The following ERG variants were observed in gnomAD, a reference collection of about 807,000 sequenced individuals.
ERG encodes the protein ETS transcription factor ERG.
ERG carries 9 observed loss-of-function variants against 55.3 expected under a neutral mutation model. The observed-to-expected ratio is 0.16, with a 90% confidence interval of 0.10 to 0.28. ERG has a LOEUF of 0.28. Ranked by LOEUF, ERG falls within the 10% of genes least tolerant of loss-of-function variation. The pLI is 1.00. For missense variants in ERG, 434 were observed against 631.6 expected, an observed-to-expected ratio of 0.69 and a Z score of 3.35; for synonymous variants, 223 against 237.3, an observed-to-expected ratio of 0.94 and a Z score of 0.55.
In ERG at chr21:38,474,790, T is replaced by C. The variant is rs552711890; in HGVS notation, c.18+23573A>G. ...AGAAAACGTTGTGATAAGAAGCCTT[T>C]AGCCTACAAAAATGTCTCTAGATTA... On this transcript the variant is annotated intron_variant, in intron 1 of 9. Coordinates refer to ENST00000288319, the MANE Select transcript of ERG (RefSeq NM_182918.4). 1.3e-4 allele frequency among the ~76,000 whole-genome samples: 20 copies of C among 152,238 alleles called. 1 individual carries two copies. In the South Asian group the frequency reaches 4.2e-3, roughly 32 times the overall value.
At position 38,418,947 on chromosome 21, in the gene ERG, A is replaced by G. The variant is rs866774040; in HGVS notation, c.388+4463T>C. Among the ~76,000 whole-genome samples the G allele has an allele frequency of 4.3e-3, 572 of 132,030 alleles. 4 individuals are homozygous for G. The highest frequency in any genetic ancestry group is 0.015 in the African/African-American group (506 of 33,726). 86.6% of individuals were successfully genotyped at this position (132,030 alleles called of 152,430 possible). ...TGTCTCAAAAAAAAAAAAAAAAAAA[A>G]AAAGAAAGAAAGAAAAAGAAAAACA... is the stretch of plus-strand genomic sequence containing the variant. On this transcript the variant is annotated intron_variant, in intron 3 of 9. Coordinates refer to ENST00000288319, the MANE Select transcript of ERG (RefSeq NM_182918.4).
At chr21:38,648,699 C>A (rs1401363045) in intron 1 of ERG, among the ~76,000 whole-genome samples, 2 of 152,236 alleles carry the variant, frequency 1.3e-5, no homozygotes, top group Non-Finnish European at 2.9e-5. Flanking sequence ...CTGCCTCCAG[C>A]AAATCCACTC....
intron 1 of ERG, among the ~76,000 whole-genome samples, chr21:38,484,447 T>A (rs1300558657): frequency 6.6e-6 from 1 of 152,208 alleles, no homozygotes; most frequent in Non-Finnish European, 1.5e-5. Context: ...ATTCATTTAT[T>A]TAACAGCATC....
intron 1 of ERG, among the ~76,000 whole-genome samples, chr21:38,631,714 G>C (rs2060357915): frequency 6.6e-6 from 1 of 151,924 alleles, no homozygotes; most frequent in Non-Finnish European, 1.5e-5. Flanking sequence ...TATGCATAAA[G>C]GCAAAAAGTT....
In ERG at chr21:38,391,645, C is replaced by T. The variant is rs1987977582; in HGVS notation, c.871+14G>A. On this transcript the variant is annotated intron_variant, in intron 8 of 9. Transcript: ENST00000288319. ...TCTTCTCTTATGGTTATCCAGACGGCCCCTGAAACATACCTAACTGAGGAC... is the reference window on the plus strand; with the variant it reads ...TCTTCTCTTATGGTTATCCAGACGGTCCCTGAAACATACCTAACTGAGGAC... 2.5e-6 allele frequency: 4 copies of T among 1,606,296 alleles called. No homozygotes were observed. The highest frequency in any genetic ancestry group is 2.2e-5 in the East Asian group (1 of 44,800).
chr21:38,557,167 T>C (rs1211581612), intron 2 of ERG, among the ~76,000 whole-genome samples: 2 of 152,244 alleles, frequency 1.3e-5, no homozygotes, highest in Admixed American at 6.5e-5. Context: ...CTTGTGCCAC[T>C]GATATCATGG....
At chr21:38,468,556 G>C (rs2059110037) in intron 1 of ERG, among the ~76,000 whole-genome samples, 1 of 152,156 alleles carries the variant, frequency 6.6e-6, no homozygotes, top group South Asian at 2.1e-4. Flanking sequence ...TAAAACCCAT[G>C]TGACAGCAGA....
intron 1 of ERG, among the ~76,000 whole-genome samples, chr21:38,458,688 A>G (rs1367866506): frequency 6.6e-6 from 1 of 152,196 alleles, no homozygotes; most frequent in East Asian, 1.9e-4. Flanking sequence ...TTTGCTTTCA[A>G]GCAAGAGTCG....
chr21:38,456,005 T>C (rs909331774), intron 1 of ERG, among the ~76,000 whole-genome samples: 1 of 152,134 alleles, frequency 6.6e-6, no homozygotes, highest in Non-Finnish European at 1.5e-5. Context: ...GTGCCCCTCA[T>C]GTACCAAGTC....
chr21:38,431,333 C>G (rs1990199205), intron 2 of ERG, among the ~76,000 whole-genome samples: 2 of 152,154 alleles, frequency 1.3e-5, no homozygotes, highest in African/African-American at 2.4e-5. Context: ...AAGAGTTTAG[C>G]TTCGTTAACA....
intron 1 of ERG, among the ~76,000 whole-genome samples, chr21:38,465,354 A>G (rs2059079044): frequency 6.6e-6 from 1 of 152,238 alleles, no homozygotes; most frequent in Non-Finnish European, 1.5e-5. Context: ...TGGAAAAGGC[A>G]AGACTACAGA....
At chr21:38,506,804 A>G (rs2146712604) in intron 2 of ERG, among the ~76,000 whole-genome samples, 1 of 152,164 alleles carries the variant, frequency 6.6e-6, no homozygotes, top group Middle Eastern at 3.4e-3. Context: ...GGGTGTGGGT[A>G]AGGCTCTGAC....
chr21:38,581,266 G>A (rs1360918548), intron 1 of ERG, among the ~76,000 whole-genome samples: 2 of 152,244 alleles, frequency 1.3e-5, no homozygotes, highest in Non-Finnish European at 2.9e-5. Context: ...AGAGCCAGAT[G>A]AGGGATGGAA....
intron 1 of ERG, among the ~76,000 whole-genome samples, chr21:38,632,808 G>GTA (rs1440671231): frequency 6.6e-6 from 1 of 152,172 alleles, no homozygotes; most frequent in Non-Finnish European, 1.5e-5. Flanking sequence ...GTAAAATGGT[G>GTA]TAGCCCCTCT....
chr21:38,438,762 G>A (rs1425379119), intron 2 of ERG, among the ~76,000 whole-genome samples: 1 of 152,188 alleles, frequency 6.6e-6, no homozygotes, highest in Non-Finnish European at 1.5e-5. Context: ...CAGATCATTC[G>A]CTGGGTGGGT....
rs141743132 is a variant in ERG at position 38,654,253 on chromosome 21, A to G, written c.-150+7405T>C. Among the ~76,000 whole-genome samples the G allele has an allele frequency of 9.0e-3, 1,369 of 152,350 alleles. 11 individuals carry two copies. The highest frequency in any genetic ancestry group is 0.02 in the Middle Eastern group (6 of 294). ...AGCACTTTGGAAGGACGAGGCGGGCAGATCACCTGAGGTCAGGAGTTTGAG... is the reference window on the plus strand; with the variant it reads ...AGCACTTTGGAAGGACGAGGCGGGCGGATCACCTGAGGTCAGGAGTTTGAG... On this transcript the variant is annotated intron_variant, in intron 1 of 10. Transcript: ENST00000398910.
chr21:38,513,752 T>C (rs2059531689), intron 2 of ERG, among the ~76,000 whole-genome samples: 1 of 151,814 alleles, frequency 6.6e-6, no homozygotes, highest in South Asian at 2.1e-4. Flanking sequence ...TCTCAAAAAG[T>C]TAGAAAAACC....
chr21:38,478,843 A>G (rs955851500), intron 1 of ERG, among the ~76,000 whole-genome samples: 1 of 152,232 alleles, frequency 6.6e-6, no homozygotes, highest in Non-Finnish European at 1.5e-5. Context: ...AGACAGCCAC[A>G]TGAATCATTT....
At chr21:38,616,296 G>A (rs1213048187) in intron 1 of ERG, among the ~76,000 whole-genome samples, 1 of 152,078 alleles carries the variant, frequency 6.6e-6, no homozygotes, top group Non-Finnish European at 1.5e-5. Context: ...CTTTATAGGA[G>A]CATGAGAATG....
Sources: allele counts gnomAD v4.1 joint callset (sites outside exome capture counted in the v4.1 genomes callset), GRCh38; gene constraint gnomAD v4.1.1; transcripts MANE v1.5; gene names NCBI Gene and HGNC (gene_info 2026-07-23, HGNC 2026-07-21).